Variants in COL12A1 observed in about 807,000 individuals in gnomAD.
The protein encoded by COL12A1 is collagen type XII alpha 1 chain, also known as collagen alpha-1(XII) chain.
Under a neutral mutation model 349.7 loss-of-function variants are expected in COL12A1, and 114 were observed. That is an observed-to-expected ratio of 0.33 (90% CI 0.28 to 0.38). The LOEUF (loss-of-function observed/expected upper bound fraction) is 0.38. Among genes scored for constraint, COL12A1 ranks in the 10% least tolerant of loss-of-function variants. The pLI is 1.00. For synonymous variants in COL12A1, 1,369 were observed against 1,329.0 expected, an observed-to-expected ratio of 1.03 and a Z score of -0.66; for missense variants, 3,284 against 3,756.9, an observed-to-expected ratio of 0.87 and a Z score of 3.29.
chr6:75,131,348 T>C (rs918484789), intron 35 of COL12A1, among the ~76,000 whole-genome samples: 6 of 152,222 alleles, frequency 3.9e-5, no homozygotes, highest in African/African-American at 1.2e-4. Flanking sequence ...TGTGTTGAAA[T>C]AGAGACTCCA....
chr6:75,099,095 C>T (rs1768186256), intron 58 of COL12A1, among the ~76,000 whole-genome samples: 2 of 152,214 alleles, frequency 1.3e-5, no homozygotes, highest in Non-Finnish European at 1.5e-5. Context: ...TGGATTTTCA[C>T]AAAAGTTGAC....
chr6:75,198,491 C>T (rs909881690), intron 2 of COL12A1, among the ~76,000 whole-genome samples: 5 of 150,894 alleles, frequency 3.3e-5, no homozygotes, highest in African/African-American at 1.2e-4. Flanking sequence ...ATTGTTATTA[C>T]ATATTACATA....
At chr6:75,088,420 A>C (rs1767604081) in intron 64 of COL12A1, among the ~76,000 whole-genome samples, 1 of 151,948 alleles carries the variant, frequency 6.6e-6, no homozygotes, top group South Asian at 2.1e-4. Flanking sequence ...ACTACTGGAA[A>C]AAACAGGAAA....
rs67840454 is a variant in COL12A1 at position 75,085,556 on chromosome 6, T to TA, written c.*990dup. On this transcript the variant is annotated 3_prime_UTR_variant, in exon 66 of 66. Coordinates refer to ENST00000322507, the MANE Select transcript of COL12A1 (RefSeq NM_004370.6). The stretch of plus-strand genomic sequence containing the variant: ...ATCAAATAATGAAATGGCACTTTCT[T>TA]AAAAAAAAAAACCTTCAAAAATCCA... 14,471 of 253,042 alleles carry TA rather than the reference T, an allele frequency of 0.057. 2 individuals are homozygous for TA. The highest frequency in any genetic ancestry group is 0.1 in the South Asian group (2,769 of 26,690). 15.7% of individuals were successfully genotyped at this position (253,042 alleles called of 1,614,324 possible).
At chr6:75,199,718 G>A (rs1056683353) in intron 2 of COL12A1, among the ~76,000 whole-genome samples, 8 of 152,078 alleles carry the variant, frequency 5.3e-5, no homozygotes, top group African/African-American at 1.4e-4. Flanking sequence ...GCAGTGATGC[G>A]GTTGATAAAG....
intron 44 of COL12A1, 80 bp from the exon 45 acceptor site, chr6:75,119,553 G>A (rs1214511929): frequency 1.0e-5 from 15 of 1,500,860 alleles, no homozygotes; most frequent in Non-Finnish European, 1.3e-5. Context: ...TCTAGCTGCG[G>A]AATAAAGCGG....
At chr6:75,119,561 C>T (rs969783179) in intron 44 of COL12A1, 88 bp from the exon 45 acceptor site, 12 of 1,468,978 alleles carry the variant, frequency 8.2e-6, no homozygotes, top group Admixed American at 2.2e-5. Context: ...CGGAATAAAG[C>T]GGTGGGGGTG....
At chr6:75,168,139 A>G (rs1768406310) in intron 13 of COL12A1, among the ~76,000 whole-genome samples, 1 of 152,228 alleles carries the variant, frequency 6.6e-6, no homozygotes, top group Non-Finnish European at 1.5e-5. Flanking sequence ...TTGAGAAGAT[A>G]AACTGCTTCA....
At chr6:75,201,850 G>A (rs1004608817) in intron 2 of COL12A1, among the ~76,000 whole-genome samples, 2 of 151,974 alleles carry the variant, frequency 1.3e-5, no homozygotes, top group Non-Finnish European at 2.9e-5. Flanking sequence ...CCATTTTCTA[G>A]AGGAGGGGCC....
intron 60 of COL12A1, among the ~76,000 whole-genome samples, chr6:75,093,582 G>T (rs1436285711): frequency 6.6e-6 from 1 of 152,128 alleles, no homozygotes; most frequent in South Asian, 2.1e-4. Flanking sequence ...CTAAATAAAT[G>T]TATACCAAAT....
chr6:75,145,951 C>T, intron 24 of COL12A1, 151 bp downstream of exon 24: 1 of 821,840 alleles, frequency 1.2e-6, no homozygotes, highest in South Asian at 2.8e-5. Context: ...ATGTTTTCTA[C>T]AATGTGTTGC....
Position 75,145,448 on chromosome 6 carries a change from A to T in COL12A1, c.4568T>A (p.Leu1523Ter). The T allele has an allele frequency of 1.2e-6, 2 of 1,613,698 alleles. No individual in the cohort carries two copies. Among genetic ancestry groups the T allele is most frequent in the Non-Finnish European group, 1.7e-6 (2 of 1,179,706 alleles). The change falls in exon 25 of 66, where the codon TTG becomes TAG. Residue 1523 changes from leucine (L) to a stop codon, truncating the protein, a stop_gained. Transcript: ENST00000322507. LOFTEE classifies it high-confidence loss of function. ...TEPTRPKEVRLGPTVNDMQLT... is the reference protein window; with the variant it reads ...TEPTRPKEVR ...CTGCATGTCATTCACTGTTGGCCCC[A>T]AACGCACCTGCACATGGATATGTGG...
intron 13 of COL12A1, among the ~76,000 whole-genome samples, chr6:75,169,051 T>C (rs3777503): frequency 6.6e-6 from 1 of 152,172 alleles, no homozygotes; most frequent in Non-Finnish European, 1.5e-5. Flanking sequence ...GGATGTTCAC[T>C]GCTCTCTTCT....
At chr6:75,124,141 T>G (rs1282024955) in intron 41 of COL12A1, 47 bp from the exon 42 acceptor site, 1 of 1,596,748 alleles carries the variant, frequency 6.3e-7, no homozygotes. Context: ...ACCAATTATA[T>G]TTCAAGAAAA....
In COL12A1 at chr6:75,183,460, A is replaced by T; in HGVS notation, c.1481T>A (p.Leu494Ter). Residue 494 changes from leucine (L) to a stop codon, truncating the protein, a stop_gained, in exon 10 of 66, where the codon TTG becomes TAG. Transcript: ENST00000322507. LOFTEE classifies it high-confidence loss of function. The part of the protein sequence containing the change: ...YSRDPHTEFT[L>*]KKFTKVEDII... ...ATCTTCAACTTTGGTGAATTTTTTC[A>T]AAGTGAACTCAGTATGAGGATCCCG... 6.2e-7 allele frequency: 1 copy of T among 1,614,206 alleles called. No homozygotes were observed. The highest frequency in any genetic ancestry group is 8.5e-7 in the Non-Finnish European group (1 of 1,180,032).
intron 13 of COL12A1, among the ~76,000 whole-genome samples, chr6:75,172,987 G>T (rs1046099758): frequency 4.6e-5 from 7 of 152,178 alleles, no homozygotes; most frequent in Admixed American, 2.0e-4. Flanking sequence ...GTATATGCAG[G>T]CGTCTTGGAA....
Position 75,130,840 on chromosome 6 carries a change from T to C in COL12A1, c.6067+12A>G, listed in dbSNP as rs1296760560. 1.7e-5 allele frequency: 28 copies of C among 1,613,740 alleles called. No homozygotes were observed. Among genetic ancestry groups the C allele is most frequent in the Non-Finnish European group, 2.4e-5 (28 of 1,179,886 alleles). Reference sequence around the variant, plus strand: ...ACAAGGGAATGGAATGGAGAAAGGATTTCTGCCTCACGCGTTCGGCCCTGG... The same window carrying C: ...ACAAGGGAATGGAATGGAGAAAGGACTTCTGCCTCACGCGTTCGGCCCTGG... On this transcript the variant is annotated intron_variant, in intron 36 of 65. Transcript: ENST00000322507.
chr6:75,157,940 C>T (rs914008669), intron 14 of COL12A1, among the ~76,000 whole-genome samples: 12 of 152,038 alleles, frequency 7.9e-5, no homozygotes, highest in African/African-American at 2.9e-4. Flanking sequence ...CAAAATTAGT[C>T]CTAAACTGAA....
At chr6:75,138,117 G>T (rs1766712942) in intron 30 of COL12A1, among the ~76,000 whole-genome samples, 1 of 151,966 alleles carries the variant, frequency 6.6e-6, no homozygotes, top group Non-Finnish European at 1.5e-5. Flanking sequence ...TTTTGTTATG[G>T]CACCCCAAGC....
Sources: gnomAD v4.1 joint callset for allele counts (sites outside exome capture counted in the v4.1 genomes callset) on GRCh38, gnomAD v4.1.1 for gene constraint, MANE v1.5 for transcripts, NCBI Gene and HGNC (gene_info 2026-07-23, HGNC 2026-07-21) for gene names.